The following PPM1F variants were observed in gnomAD, a reference collection of about 807,000 sequenced individuals.
The protein encoded by PPM1F is protein phosphatase, Mg2+/Mn2+ dependent 1F, also known as protein phosphatase 1F.
A neutral mutation model predicts 35.5 loss-of-function variants in PPM1F; 17 were observed. That is an observed-to-expected ratio of 0.48 (90% confidence interval 0.33 to 0.72). The LOEUF is 0.72. Among genes scored for constraint, PPM1F ranks in the 30% least tolerant of loss-of-function variants. The pLI, the probability that PPM1F is intolerant of heterozygous loss-of-function variation, is 0.02. For missense variants in PPM1F, 521 were observed against 613.0 expected (o/e 0.85, Z 1.59); for synonymous variants, 241 against 255.5 (o/e 0.94, Z 0.54).
Position 21,922,910 on chromosome 22 carries a change from A to G in PPM1F, c.*182T>C. ...GCCTTCCACCATCTGCCCGCCACCC[A>G]GTGCAGTTCCACAGCCACCAGGACG... On this transcript the variant is annotated 3_prime_UTR_variant, in exon 8 of 8. Coordinates refer to ENST00000263212, the MANE Select transcript of PPM1F (RefSeq NM_014634.4). The G allele has an allele frequency of 1.3e-6, 1 of 747,676 alleles. No individual in the cohort carries two copies. Among genetic ancestry groups the G allele is most frequent in the East Asian group, 2.5e-5 (1 of 39,246 alleles). 46.3% of individuals were successfully genotyped at this position (747,676 alleles called of 1,614,324 possible).
chr22:21,945,744 G>T, intron 2 of PPM1F, 99 bp downstream of exon 2: 1 of 1,262,628 alleles, frequency 7.9e-7, no homozygotes, highest in Non-Finnish European at 1.1e-6. Context: ...GCAGATCCCC[G>T]TGTGGGGCTG....
Position 21,938,259 on chromosome 22 carries a change from G to A in PPM1F, c.355+1273C>T, listed in dbSNP as rs557970567. 175 of 1,289,128 alleles carry A rather than the reference G, an allele frequency of 1.4e-4. No individual in the cohort carries two copies. The African/African-American group carries it at 2.5e-3, about 19-fold the overall frequency. The allele number at this position is 1,289,128 out of a possible 1,614,324, so 79.9% of individuals were successfully genotyped here. A position where few individuals can be genotyped will look rare whatever the true frequency, so the allele number is the denominator to read the frequency against. On this transcript the variant is annotated intron_variant, in intron 3 of 7. Coordinates refer to ENST00000263212, the MANE Select transcript of PPM1F (RefSeq NM_014634.4). ...GACAGAGACCCATCAGGCGGGGAGGGCCTGGGCGGTGGCGGCGCCCCCTTG... is the reference window on the plus strand; with the variant it reads ...GACAGAGACCCATCAGGCGGGGAGGACCTGGGCGGTGGCGGCGCCCCCTTG...
chr22:21,929,051 C>T (rs1216331293), intron 6 of PPM1F, among the ~76,000 whole-genome samples: 7 of 152,216 alleles, frequency 4.6e-5, no homozygotes, highest in Non-Finnish European at 8.8e-5. Flanking sequence ...ACTCCCCCCA[C>T]GTACTCCTGG....
In PPM1F at chr22:21,934,111, GACCAGCC is replaced by G; in HGVS notation, c.464_470del (p.Trp155SerfsTer33). 1 of 1,563,484 alleles carries G rather than the reference GACCAGCC, an allele frequency of 6.4e-7. No homozygotes were observed. The highest frequency in any genetic ancestry group is 8.7e-7 in the Non-Finnish European group (1 of 1,154,272). ...GAGTGTTCCGGATGGCGTGGATGGA[GACCAGCC>G]ACTGCCGCTGTGAGGCCCGGGCAGC... On this transcript the variant is annotated frameshift_variant, in exon 4 of 8. Coordinates refer to ENST00000263212, the MANE Select transcript of PPM1F (RefSeq NM_014634.4). LOFTEE classifies it high-confidence loss of function.
At chr22:21,923,585 T>C in intron 7 of PPM1F, 114 bp from the exon 8 acceptor site, 1 of 1,147,226 alleles carries the variant, frequency 8.7e-7, no homozygotes, top group Non-Finnish European at 1.2e-6. Flanking sequence ...CCTGCTCTCA[T>C]GGGGTCTGGG....
rs1328108534 is a variant in PPM1F at position 21,936,859 on chromosome 22, G to C, written c.356-2633C>G. The C allele has an allele frequency of 2.0e-5, 3 of 152,258 alleles. No homozygotes were observed. In the East Asian group the frequency reaches 5.8e-4, roughly 29 times the overall value. The allele number at this position is 152,258 out of a possible 1,614,324, so 9.4% of individuals were successfully genotyped here. A position where few individuals can be genotyped will look rare whatever the true frequency, so the allele number is the denominator to read the frequency against. ...GATTCCAGACCCACAGAAACTGGGAGAATAAATGTCTGTTGTTTTAAGCCA... is the reference window on the plus strand; with the variant it reads ...GATTCCAGACCCACAGAAACTGGGACAATAAATGTCTGTTGTTTTAAGCCA... On this transcript the variant is annotated intron_variant, in intron 3 of 7. Transcript: ENST00000263212.
At chr22:21,925,361 C>G (rs1157472555) in intron 7 of PPM1F, 1 of 523,188 alleles carries the variant, frequency 1.9e-6, no homozygotes, top group Non-Finnish European at 3.5e-6. Context: ...TAATAACATA[C>G]AGTGTAACTT....
At chr22:21,933,334 G>A (rs2056933653) in intron 5 of PPM1F, 57 bp downstream of exon 5, 4 of 1,512,910 alleles carry the variant, frequency 2.6e-6, no homozygotes, top group South Asian at 2.3e-5. Flanking sequence ...CCGCTGCAGA[G>A]GCTGGGACTC....
At chr22:21,943,781 C>G (rs1249661467) in intron 2 of PPM1F, 1 of 152,342 alleles carries the variant, frequency 6.6e-6, no homozygotes, top group Non-Finnish European at 1.5e-5. Flanking sequence ...GGTGCTGCGG[C>G]CTGTCCGTCT....
In PPM1F at chr22:21,919,651, G is replaced by C. The variant is rs1279076235; in HGVS notation, c.*3441C>G. ...CTGCACCGGAATGGCAGAGCTCCGT[G>C]CATTTGGCAAAGCTATGGAGCCTTG... On this transcript the variant is annotated 3_prime_UTR_variant, in exon 8 of 8. Transcript: ENST00000263212. The C allele has an allele frequency of 1.3e-5, 2 of 152,188 alleles. No homozygotes were observed. Among genetic ancestry groups the C allele is most frequent in the African/African-American group, 4.8e-5 (2 of 41,420 alleles). 9.4% of individuals were successfully genotyped at this position (152,188 alleles called of 1,614,324 possible). A position where few individuals can be genotyped will look rare whatever the true frequency, so the allele number is the denominator to read the frequency against.
At chr22:21,927,072 T>A (rs557300486) in intron 6 of PPM1F, among the ~76,000 whole-genome samples, 1 of 152,164 alleles carries the variant, frequency 6.6e-6, no homozygotes, top group Admixed American at 6.5e-5. Context: ...GGTGCTCCTG[T>A]CCCAGCTGAG....
rs757318020 is a variant in PPM1F, at chr22:21,923,113, G to A, written c.1344C>T (p.Thr448=). The A allele has an allele frequency of 2.5e-6, 4 of 1,609,382 alleles. No individual in the cohort carries two copies. In the Admixed American group the frequency reaches 5.1e-5, roughly 20 times the overall value. ...DLPSSLPEPE[T]QAPPRS ...CCACCTAGCTTCTTGGTGGAGCCTG[G>A]GTCTCAGGTTCTGGAAGGCTGGAGG... The change falls in exon 8 of 8, where the codon ACC becomes ACT. Residue 448 remains threonine, a synonymous_variant. Coordinates refer to ENST00000263212, the MANE Select transcript of PPM1F (RefSeq NM_014634.4).
At chr22:21,929,148 T>G (rs1375886189) in intron 6 of PPM1F, among the ~76,000 whole-genome samples, 1 of 152,102 alleles carries the variant, frequency 6.6e-6, no homozygotes, top group East Asian at 1.9e-4. Flanking sequence ...ATGATGCTTG[T>G]TTTTGTGGGA....
At chr22:21,945,757 C>G in intron 2 of PPM1F, 86 bp downstream of exon 2, 1 of 1,369,664 alleles carries the variant, frequency 7.3e-7, no homozygotes, top group South Asian at 1.3e-5. Context: ...TGGGGCTGGA[C>G]GTGTAGGGGA....
chr22:21,930,613 C>G (rs1316870693), intron 6 of PPM1F, among the ~76,000 whole-genome samples: 1 of 152,190 alleles, frequency 6.6e-6, no homozygotes, highest in South Asian at 2.1e-4. Context: ...GAGGGATAAA[C>G]AGTCATTCCA....
At chr22:21,938,233 G>T in intron 3 of PPM1F, 1 of 1,302,470 alleles carries the variant, frequency 7.7e-7, no homozygotes, top group South Asian at 1.2e-5. Flanking sequence ...CCGCGTGGAC[G>T]GACAGAGACC....
Position 21,948,309 on chromosome 22 carries a change from C to G in PPM1F, c.-60-2201G>C, listed in dbSNP as rs1271486920. ...TGGGCAGTGAGATCGCCACCCCCCCCCCACCCCCCATCTCTACCAAAAAAG... is the reference window on the plus strand; with the variant it reads ...TGGGCAGTGAGATCGCCACCCCCCCGCCACCCCCCATCTCTACCAAAAAAG... On this transcript the variant is annotated intron_variant, in intron 1 of 7. Coordinates refer to ENST00000263212, the MANE Select transcript of PPM1F (RefSeq NM_014634.4). 5 of 122,168 alleles carry G rather than the reference C, an allele frequency of 4.1e-5. No homozygotes were observed. The East Asian group carries it at 1.4e-3, about 33-fold the overall frequency. The allele number at this position is 122,168 out of a possible 1,614,324, so 7.6% of individuals were successfully genotyped here. A position where few individuals can be genotyped will look rare whatever the true frequency, so the allele number is the denominator to read the frequency against.
intron 3 of PPM1F, chr22:21,938,105 C>T: frequency 1.5e-6 from 2 of 1,295,868 alleles, no homozygotes; most frequent in South Asian, 1.2e-5. Context: ...CAAGGGCAGG[C>T]GAGACTTCCT....
rs1000254217 is a variant in PPM1F, at chr22:21,920,359, G to A, written c.*2733C>T. 2 of 152,680 alleles carry A rather than the reference G, an allele frequency of 1.3e-5. No homozygotes were observed. Among genetic ancestry groups the A allele is most frequent in the Admixed American group, 6.5e-5 (1 of 15,284 alleles). 9.5% of individuals were successfully genotyped at this position (152,680 alleles called of 1,614,324 possible). ...TCACACAAGGAACAAGTGGAGAGCT[G>A]GGCTGGAGAAAGGATTACAATTTAC... On this transcript the variant is annotated 3_prime_UTR_variant, in exon 8 of 8. Coordinates refer to ENST00000263212, the MANE Select transcript of PPM1F (RefSeq NM_014634.4).
Sources: gnomAD v4.1 joint callset for allele counts (sites outside exome capture counted in the v4.1 genomes callset) on GRCh38, gnomAD v4.1.1 for gene constraint, MANE v1.5 for transcripts, NCBI Gene and HGNC (gene_info 2026-07-23, HGNC 2026-07-21) for gene names.